Variants in B3GAT2 observed in about 807,000 individuals in gnomAD.
B3GAT2 encodes the protein beta-1,3-glucuronyltransferase 2.
In B3GAT2, 26 loss-of-function variants were observed where a neutral mutation model predicts 27.8. That is an observed-to-expected ratio of 0.93 (90% CI 0.68 to 1.30). The LOEUF is 1.30. Ranked by LOEUF, B3GAT2 falls within the 50% of genes most tolerant of loss-of-function variation. The pLI, the probability that B3GAT2 is intolerant of heterozygous loss-of-function variation, is 0.00. For synonymous variants in B3GAT2, 218 were observed against 195.1 expected (o/e 1.12, Z -0.98); for missense variants, 458 against 459.0 (o/e 1.00, Z 0.02).
rs1431513433 is a variant in B3GAT2, at chr6:70,859,829, A to C, written c.*1834T>G. The C allele has an allele frequency of 1.1e-5, 2 of 182,756 alleles. No homozygotes were observed. The highest frequency in any genetic ancestry group is 2.3e-5 in the Non-Finnish European group (2 of 88,148). 11.3% of individuals were successfully genotyped at this position (182,756 alleles called of 1,614,324 possible). ...TAATAGAGAATAATATCTATCATACAAAGTTTATAGGATAATTTTAGACTA... is the reference window on the plus strand; with the variant it reads ...TAATAGAGAATAATATCTATCATACCAAGTTTATAGGATAATTTTAGACTA... On this transcript the variant is annotated 3_prime_UTR_variant, in exon 4 of 4. Transcript: ENST00000230053.
At chr6:70,866,021 G>A (rs1240555071) in intron 2 of B3GAT2, among the ~76,000 whole-genome samples, 1 of 152,174 alleles carries the variant, frequency 6.6e-6, no homozygotes, top group African/African-American at 2.4e-5. Context: ...GCAGGGTGGA[G>A]TACTAGAGAA....
intron 1 of B3GAT2, among the ~76,000 whole-genome samples, chr6:70,932,572 T>G (rs932151087): frequency 6.6e-6 from 1 of 152,206 alleles, no homozygotes. Flanking sequence ...TCCACTTATA[T>G]GAGGTACCTA....
intron 1 of B3GAT2, among the ~76,000 whole-genome samples, chr6:70,928,552 A>T (rs1183072905): frequency 6.6e-6 from 1 of 152,226 alleles, no homozygotes; most frequent in South Asian, 2.1e-4. Flanking sequence ...AGAATACTAT[A>T]AACACTTCTA....
At position 70,860,640 on chromosome 6, in the gene B3GAT2, G is replaced by A. The variant is rs1562209605; in HGVS notation, c.*1023C>T. 2.4e-6 allele frequency: 1 copy of A among 424,614 alleles called. No homozygotes were observed. The highest frequency in any genetic ancestry group is 4.1e-6 in the Non-Finnish European group (1 of 241,098). 26.3% of individuals were successfully genotyped at this position (424,614 alleles called of 1,614,324 possible). A position where few individuals can be genotyped will look rare whatever the true frequency, so the allele number is the denominator to read the frequency against. Reference sequence around the variant, plus strand: ...CTCTCAATAAAATTATAGCTCTAATGTTTGCATATAAGGGAAGTAGTTATC... The same window carrying A: ...CTCTCAATAAAATTATAGCTCTAATATTTGCATATAAGGGAAGTAGTTATC... On this transcript the variant is annotated 3_prime_UTR_variant, in exon 4 of 4. Transcript: ENST00000230053.
intron 1 of B3GAT2, among the ~76,000 whole-genome samples, chr6:70,908,389 C>G (rs1772634388): frequency 6.6e-6 from 1 of 152,100 alleles, no homozygotes; most frequent in Non-Finnish European, 1.5e-5. Context: ...TTTTTCCACC[C>G]ATTAGTAAAG....
intron 1 of B3GAT2, among the ~76,000 whole-genome samples, chr6:70,928,267 T>G (rs1772997114): frequency 6.6e-6 from 1 of 150,942 alleles, no homozygotes; most frequent in South Asian, 2.1e-4. Context: ...ACATCACAAT[T>G]AAAAGAACTG....
Position 70,858,130 on chromosome 6 carries a change from CGTT to C in B3GAT2, c.*3530_*3532del, listed in dbSNP as rs1342576142. On this transcript the variant is annotated 3_prime_UTR_variant, in exon 4 of 4. Transcript: ENST00000230053. ...CTGGTGTGATGCCACTTCCTCAGAACGTTGTTGGCCCCCAAGGAGGAATGGTGG... is the reference window on the plus strand; with the variant it reads ...CTGGTGTGATGCCACTTCCTCAGAACGTTGGCCCCCAAGGAGGAATGGTGG... 6.2e-7 allele frequency: 1 copy of C among 1,614,018 alleles called. No homozygotes were observed. Among genetic ancestry groups the C allele is most frequent in the Non-Finnish European group, 8.5e-7 (1 of 1,180,004 alleles).
In B3GAT2 at chr6:70,857,390, G is replaced by C; in HGVS notation, c.*4273C>G. The stretch of plus-strand genomic sequence containing the variant: ...GTAAACAGTCTTGAGTTACCACATG[G>C]ATTAAAAAAAATCTATGAATTTTTT... On this transcript the variant is annotated 3_prime_UTR_variant, in exon 4 of 4. Coordinates refer to ENST00000230053, the MANE Select transcript of B3GAT2 (RefSeq NM_080742.3). 5.8e-6 allele frequency: 1 copy of C among 172,214 alleles called. No homozygotes were observed. The highest frequency in any genetic ancestry group is 5.9e-5 in the Admixed American group (1 of 16,962). The allele number at this position is 172,214 out of a possible 1,614,324, so 10.7% of individuals were successfully genotyped here.
intron 1 of B3GAT2, among the ~76,000 whole-genome samples, chr6:70,955,456 C>T (rs996942736): frequency 1.9e-4 from 28 of 145,188 alleles, no homozygotes; most frequent in Middle Eastern, 3.4e-3. Flanking sequence ...GGTGCAGGTC[C>T]CTCCCTGATC....
intron 1 of B3GAT2, among the ~76,000 whole-genome samples, chr6:70,934,888 T>C (rs1326588533): frequency 6.6e-6 from 1 of 152,212 alleles, no homozygotes; most frequent in Non-Finnish European, 1.5e-5. Flanking sequence ...CTTTTATGTT[T>C]AATAGTTAAT....
Position 70,858,087 on chromosome 6 carries a change from T to G in B3GAT2, c.*3576A>C, listed in dbSNP as rs1771513621. The stretch of plus-strand genomic sequence containing the variant: ...GTGGGCATGCCCATGCCCAATGGGT[T>G]TATGGGAAATGCACAAACTGGTGTG... On this transcript the variant is annotated 3_prime_UTR_variant, in exon 4 of 4. Transcript: ENST00000230053. The G allele has an allele frequency of 6.2e-7, 1 of 1,614,036 alleles. No individual in the cohort carries two copies. Among genetic ancestry groups the G allele is most frequent in the African/African-American group, 1.3e-5 (1 of 75,002 alleles).
Position 70,860,423 on chromosome 6 carries a change from T to G in B3GAT2, c.*1240A>C. ...TCCCCTGTTTATTCATATGCATATT[T>G]TTTTTCTTTTTACCCATTTGTTCAT... On this transcript the variant is annotated 3_prime_UTR_variant, in exon 4 of 4. Transcript: ENST00000230053. 2 of 1,468,214 alleles carry G rather than the reference T, an allele frequency of 1.4e-6. No homozygotes were observed. Among genetic ancestry groups the G allele is most frequent in the Non-Finnish European group, 1.8e-6 (2 of 1,095,136 alleles). 90.9% of individuals were successfully genotyped at this position (1,468,214 alleles called of 1,614,324 possible).
At chr6:70,934,259 C>T (rs1419122679) in intron 1 of B3GAT2, among the ~76,000 whole-genome samples, 1 of 152,130 alleles carries the variant, frequency 6.6e-6, no homozygotes, top group Non-Finnish European at 1.5e-5. Flanking sequence ...GAATAAATTC[C>T]CAGACCCTTG....
At chr6:70,950,635 G>T (rs1245657035) in intron 1 of B3GAT2, among the ~76,000 whole-genome samples, 1 of 152,160 alleles carries the variant, frequency 6.6e-6, no homozygotes, top group Non-Finnish European at 1.5e-5. Context: ...CGGGGATACT[G>T]ATTATATAGA....
intron 1 of B3GAT2, among the ~76,000 whole-genome samples, chr6:70,916,852 A>C (rs929669299): frequency 6.6e-6 from 1 of 151,982 alleles, no homozygotes; most frequent in Admixed American, 6.6e-5. Context: ...TGTTGGCCTA[A>C]AATTATCTTT....
In B3GAT2 at chr6:70,955,993, C is replaced by A; in HGVS notation, c.437G>T (p.Arg146Leu). 1 of 1,456,534 alleles carries A rather than the reference C, an allele frequency of 6.9e-7. No individual in the cohort carries two copies. The allele number at this position is 1,456,534 out of a possible 1,614,324, so 90.2% of individuals were successfully genotyped here. A position where few individuals can be genotyped will look rare whatever the true frequency, so the allele number is the denominator to read the frequency against. Residue 146 changes from arginine to leucine, a missense_variant, in exon 1 of 4, where the codon CGG (arginine) becomes CTG (leucine). Physicochemically the swap from Arg to Leu is moderately radical, Grantham distance 102 (BLOSUM62 -2). Coordinates refer to ENST00000230053, the MANE Select transcript of B3GAT2 (RefSeq NM_080742.3). The part of the protein sequence containing the change: ...PSTHLHVPTP[R>L]RYKRPGLPRA... ...CGGCAGCCCGGGCCGCTTGTAGCGC[C>A]GCGGCGTGGGCACGTGCAGGTGAGT...
rs1382791188 is a variant in B3GAT2 at position 70,857,492 on chromosome 6, AAT to A, written c.*4169_*4170del. On this transcript the variant is annotated 3_prime_UTR_variant, in exon 4 of 4. Transcript: ENST00000230053. ...TCTTTCACACCATTTCCTTTAAAAT[AAT>A]GAGCTGCATTTCACATGTGAGCTAA... 5.8e-6 allele frequency: 1 copy of A among 171,284 alleles called. No individual in the cohort carries two copies. Among genetic ancestry groups the A allele is most frequent in the African/African-American group, 2.4e-5 (1 of 41,870 alleles). The allele number at this position is 171,284 out of a possible 1,614,324, so 10.6% of individuals were successfully genotyped here. A position where few individuals can be genotyped will look rare whatever the true frequency, so the allele number is the denominator to read the frequency against.
At chr6:70,915,457 GTT>G (rs1772756348) in intron 1 of B3GAT2, among the ~76,000 whole-genome samples, 2 of 152,156 alleles carry the variant, frequency 1.3e-5, no homozygotes, top group Admixed American at 1.3e-4. Flanking sequence ...TGCTTTTGGT[GTT>G]TTAGTCATAA....
chr6:70,935,161 C>T (rs1051362201), intron 1 of B3GAT2, among the ~76,000 whole-genome samples: 34 of 151,902 alleles, frequency 2.2e-4, no homozygotes, highest in Admixed American at 7.2e-4. Context: ...AATATCCAAA[C>T]GTGGCCAGGT....
Sources: gnomAD v4.1 joint callset for allele counts (sites outside exome capture counted in the v4.1 genomes callset) on GRCh38, gnomAD v4.1.1 for gene constraint, MANE v1.5 for transcripts, NCBI Gene and HGNC (gene_info 2026-07-23, HGNC 2026-07-21) for gene names.